The following SULT4A1 variants were observed in gnomAD, a reference collection of about 807,000 sequenced individuals.
The protein encoded by SULT4A1 is sulfotransferase family 4A member 1.
SULT4A1 carries 11 observed loss-of-function variants against 35.2 expected under a neutral mutation model. The observed-to-expected ratio is 0.31, with a 90% CI of 0.20 to 0.52. The LOEUF (loss-of-function observed/expected upper bound fraction) is 0.52. Among genes scored for constraint, SULT4A1 ranks in the 20% least tolerant of loss-of-function variants. The pLI, the probability that SULT4A1 is intolerant of heterozygous loss-of-function variation, is 0.97. For missense variants in SULT4A1, 271 were observed against 383.7 expected (o/e 0.71, Z 2.45); for synonymous variants, 152 against 151.8 (o/e 1.00, Z -0.01).
chr22:43,826,529 G>A, intron 6 of SULT4A1: 2 of 985,400 alleles, frequency 2.0e-6, no homozygotes, highest in South Asian at 4.7e-5. Context: ...GCACTGCTCT[G>A]GGCATCACAG....
At chr22:43,853,479 G>T (rs2049366949) in intron 1 of SULT4A1, among the ~76,000 whole-genome samples, 1 of 152,228 alleles carries the variant, frequency 6.6e-6, no homozygotes, top group Admixed American at 6.5e-5. Context: ...ATGCAGAGCG[G>T]AAACAGGCAC....
intron 6 of SULT4A1, 24 bp downstream of exon 6, chr22:43,829,036 C>A: frequency 7.2e-7 from 1 of 1,384,438 alleles, no homozygotes; most frequent in Non-Finnish European, 9.7e-7. Flanking sequence ...AGTGCCTGGG[C>A]GGGAGGCAGG....
At chr22:43,850,411 A>T (rs1281196690) in intron 1 of SULT4A1, among the ~76,000 whole-genome samples, 2 of 152,204 alleles carry the variant, frequency 1.3e-5, no homozygotes, top group Non-Finnish European at 2.9e-5. Context: ...CCATGTAGTG[A>T]TTACATTTCC....
intron 1 of SULT4A1, among the ~76,000 whole-genome samples, chr22:43,844,392 G>C (rs1394224340): frequency 1.3e-5 from 2 of 152,186 alleles, no homozygotes; most frequent in African/African-American, 4.8e-5. Flanking sequence ...TCACTCACAG[G>C]ACCACAGCTG....
chr22:43,829,848 C>T (rs549794106), intron 5 of SULT4A1, among the ~76,000 whole-genome samples: 3 of 152,096 alleles, frequency 2.0e-5, no homozygotes, highest in Admixed American at 6.5e-5. Flanking sequence ...CCTAGAGGTG[C>T]CTTGGTCCCA....
intron 5 of SULT4A1, 116 bp downstream of exon 5, chr22:43,833,524 C>T: frequency 2.3e-6 from 1 of 428,552 alleles, no homozygotes; most frequent in South Asian, 2.1e-5. Context: ...CCTCCTCTGT[C>T]CCTCCTCAGA....
intron 1 of SULT4A1, among the ~76,000 whole-genome samples, chr22:43,859,000 C>T (rs2049435290): frequency 1.3e-5 from 2 of 152,192 alleles, no homozygotes; most frequent in South Asian, 4.1e-4. Flanking sequence ...CTGAGAACAG[C>T]CACCCTGGCT....
At position 43,829,127 on chromosome 22, in the gene SULT4A1, G is replaced by A. The variant is rs1603403843; in HGVS notation, c.675C>T (p.Ala225=). The A allele has an allele frequency of 6.4e-7, 1 of 1,559,108 alleles. No individual in the cohort carries two copies. Among genetic ancestry groups the A allele is most frequent in the Non-Finnish European group, 8.7e-7 (1 of 1,151,602 alleles). The change falls in exon 6 of 7, where the codon GCC becomes GCT. Residue 225 remains alanine (A), a synonymous_variant. Coordinates refer to ENST00000330884, the MANE Select transcript of SULT4A1 (RefSeq NM_014351.4). ...CCAGCTGGTGGCAGTGCTCCGTCAG[G>A]GCTTCCAGCTGGGCCTTGTCACAGG... ...GVSCDKAQLE[A]LTEHCHQLVD...
At chr22:43,852,335 GTTTT>G (rs889269629) in intron 1 of SULT4A1, among the ~76,000 whole-genome samples, 1 of 133,822 alleles carries the variant, frequency 7.5e-6, no homozygotes, top group Non-Finnish European at 1.6e-5. Flanking sequence ...ACCTGGCTAG[GTTTT>G]TTTTTGTTGT....
chr22:43,846,012 G>A (rs1292331501), intron 1 of SULT4A1, among the ~76,000 whole-genome samples: 1 of 152,178 alleles, frequency 6.6e-6, no homozygotes, highest in African/African-American at 2.4e-5. Context: ...GGCCAAAACT[G>A]TGGCTTTAAC....
At position 43,825,984 on chromosome 22, in the gene SULT4A1, G is replaced by T. The variant is rs1207047352; in HGVS notation, c.*17C>A. On this transcript the variant is annotated 3_prime_UTR_variant, in exon 7 of 7. Coordinates refer to ENST00000330884, the MANE Select transcript of SULT4A1 (RefSeq NM_014351.4). ...ACTGTCTGGGTATTGTGAGCATGCA[G>T]GTTGTTGTTTCTGTTATTATAAATA... 1 of 1,610,268 alleles carries T rather than the reference G, an allele frequency of 6.2e-7. No homozygotes were observed.
intron 1 of SULT4A1, 126 bp downstream of exon 1, chr22:43,862,088 G>A (rs1440765080): frequency 9.0e-5 from 29 of 322,672 alleles, no homozygotes; most frequent in Non-Finnish European, 1.1e-4. Context: ...CGGTGGGCAC[G>A]GCAGGGGCGG....
chr22:43,830,249 G>C (rs549833024), intron 5 of SULT4A1, among the ~76,000 whole-genome samples: 1 of 152,322 alleles, frequency 6.6e-6, no homozygotes, highest in South Asian at 2.1e-4. Context: ...CCATTTCAAA[G>C]AAAAAGGGTA....
At chr22:43,827,750 C>A in intron 6 of SULT4A1, 5 of 518,738 alleles carry the variant, frequency 9.6e-6, no homozygotes, top group Non-Finnish European at 1.6e-5. Context: ...CTCGACGCTG[C>A]TTCACCACAC....
chr22:43,830,813 C>T (rs1167763842), intron 5 of SULT4A1, among the ~76,000 whole-genome samples: 1 of 152,212 alleles, frequency 6.6e-6, no homozygotes, highest in Non-Finnish European at 1.5e-5. Context: ...AGGAAGCATT[C>T]CCTCTCAACC....
chr22:43,848,901 C>G (rs1038784043), intron 1 of SULT4A1, among the ~76,000 whole-genome samples: 2 of 152,236 alleles, frequency 1.3e-5, no homozygotes, highest in Non-Finnish European at 2.9e-5. Context: ...ACCTGCTGGC[C>G]AGTGACTCGA....
At chr22:43,852,335 G>GT (rs889269629) in intron 1 of SULT4A1, among the ~76,000 whole-genome samples, 13 of 133,914 alleles carry the variant, frequency 9.7e-5, no homozygotes, top group South Asian at 6.4e-4. Flanking sequence ...ACCTGGCTAG[G>GT]TTTTTTTTTG....
Position 43,852,391 on chromosome 22 carries a change from C to T in SULT4A1, c.169+9823G>A, listed in dbSNP as rs1352206800. ...TGGGGGTCTCCCTATGTTGCCCAGA[C>T]GGTCTTGAACTCCTAGGCTCAAGCA... is the stretch of plus-strand genomic sequence containing the variant. On this transcript the variant is annotated intron_variant, in intron 1 of 6. Transcript: ENST00000330884. 9.3e-5 allele frequency among the ~76,000 whole-genome samples: 14 copies of T among 151,298 alleles called. No homozygotes were observed. In the East Asian group the frequency reaches 2.0e-3, roughly 21 times the overall value.
intron 3 of SULT4A1, 46 bp from the exon 4 acceptor site, chr22:43,839,039 A>C (rs753340347): frequency 6.2e-7 from 1 of 1,606,504 alleles, no homozygotes; most frequent in Non-Finnish European, 8.5e-7. Context: ...CTTCCCTCCC[A>C]GGCAGGGCTG....
Sources: allele counts gnomAD v4.1 joint callset (sites outside exome capture counted in the v4.1 genomes callset), GRCh38; gene constraint gnomAD v4.1.1; transcripts MANE v1.5; gene names NCBI Gene and HGNC (gene_info 2026-07-23, HGNC 2026-07-21).